ALX1: variants seen among roughly 807,000 people sequenced by gnomAD.
The protein encoded by ALX1 is ALX homeobox protein 1.
A neutral mutation model predicts 31.7 loss-of-function variants in ALX1; 19 were observed. That is an observed-to-expected ratio of 0.60 (90% CI 0.42 to 0.88). ALX1 has a LOEUF of 0.88. Among genes scored for constraint, ALX1 ranks in the 40% least tolerant of loss-of-function variants. The pLI is 0.00. For missense variants in ALX1, 415 were observed against 407.8 expected, an observed-to-expected ratio of 1.02 and a Z score of -0.15; for synonymous variants, 153 against 148.8, an observed-to-expected ratio of 1.03 and a Z score of -0.20.
intron 3 of ALX1, among the ~76,000 whole-genome samples, chr12:85,294,678 C>T (rs757796041): frequency 1.1e-4 from 17 of 151,044 alleles, no homozygotes; most frequent in Middle Eastern, 3.5e-3. Flanking sequence ...TATTAAGCTT[C>T]GTGCTTTTAA....
At chr12:85,285,834 T>C (rs1408408255) in intron 2 of ALX1, among the ~76,000 whole-genome samples, 2 of 151,980 alleles carry the variant, frequency 1.3e-5, no homozygotes, top group Non-Finnish European at 2.9e-5. Flanking sequence ...ATAATGTTCA[T>C]TTAAAAACAT....
In ALX1 at chr12:85,281,518, G is replaced by T. The variant is rs532547957; in HGVS notation, c.226+1031G>T. On this transcript the variant is annotated intron_variant, in intron 1 of 3. Coordinates refer to ENST00000316824, the MANE Select transcript of ALX1 (RefSeq NM_006982.3). ...CAAGCCCCCTGCCCCCTATTTTATA[G>T]AAATTCAAAATCTGACAAAACACTG... Among the ~76,000 whole-genome samples, 6 of 152,200 alleles carry T rather than the reference G, an allele frequency of 3.9e-5. 1 individual carries two copies. In the East Asian group the frequency reaches 1.2e-3, roughly 29 times the overall value.
At chr12:85,298,303 A>G (rs1896916342) in intron 3 of ALX1, among the ~76,000 whole-genome samples, 1 of 151,728 alleles carries the variant, frequency 6.6e-6, no homozygotes, top group South Asian at 2.1e-4. Flanking sequence ...CACGCTGTTT[A>G]GTGTACTGAA....
intron 3 of ALX1, 93 bp downstream of exon 3, chr12:85,287,074 T>A: frequency 1.4e-6 from 2 of 1,422,788 alleles, no homozygotes; most frequent in Non-Finnish European, 1.9e-6. Flanking sequence ...ATATGTAAGA[T>A]AATAGCCAAG....
chr12:85,294,760 T>C (rs1045043746), intron 3 of ALX1, among the ~76,000 whole-genome samples: 1 of 151,126 alleles, frequency 6.6e-6, no homozygotes, highest in Non-Finnish European at 1.5e-5. Context: ...ATCAGTCTCA[T>C]ATGGGTGTGA....
At chr12:85,299,409 C>T (rs1242822775) in intron 3 of ALX1, among the ~76,000 whole-genome samples, 6 of 151,448 alleles carry the variant, frequency 4.0e-5, no homozygotes, top group African/African-American at 9.7e-5. Flanking sequence ...AGAATTAGAA[C>T]ATAGCCTGAG....
chr12:85,280,472 T>A lies in ALX1; in HGVS notation c.211T>A (p.Cys71Ser), dbSNP rs777754230. The change falls in exon 1 of 4, where the codon TGT becomes AGT. Residue 71 changes from cysteine to serine, a missense_variant. Physicochemically the swap from Cys to Ser is moderately radical, Grantham distance 112 (BLOSUM62 -1). This residue lies in a region of ALX1 where 235 missense variants were observed against 208.9 expected (regional missense o/e 1.13). Coordinates refer to ENST00000316824, the MANE Select transcript of ALX1 (RefSeq NM_006982.3). ...HHVRLERTSP[C>S]QDSSVNYGIT... is the part of the protein sequence containing the mutation. ...CGTGCGCTTGGAGAGGACCTCGCCCTGTCAGGACAGCAGCGGTGAGTCGCT... is the reference window on the plus strand; with the variant it reads ...CGTGCGCTTGGAGAGGACCTCGCCCAGTCAGGACAGCAGCGGTGAGTCGCT... 9 of 1,611,072 alleles carry A rather than the reference T, an allele frequency of 5.6e-6. No homozygotes were observed.
chr12:85,290,536 C>A (rs2137384574), intron 3 of ALX1, among the ~76,000 whole-genome samples: 1 of 151,124 alleles, frequency 6.6e-6, no homozygotes, highest in East Asian at 1.9e-4. Context: ...CTTAAACTTA[C>A]TTATCTTTGA....
rs187694974 is a variant in ALX1 at position 85,289,435 on chromosome 12, T to C, written c.660+2454T>C. Among the ~76,000 whole-genome samples, 4 of 151,272 alleles carry C rather than the reference T, an allele frequency of 2.6e-5. No homozygotes were observed. In the East Asian group the frequency reaches 7.7e-4, roughly 29 times the overall value. On this transcript the variant is annotated intron_variant, in intron 3 of 3. Coordinates refer to ENST00000316824, the MANE Select transcript of ALX1 (RefSeq NM_006982.3). ...GACACCGATGGAGGAACGGACATGGTACACCAAATTATATATTTGATCATC... is the reference window on the plus strand; with the variant it reads ...GACACCGATGGAGGAACGGACATGGCACACCAAATTATATATTTGATCATC...
At chr12:85,300,868 T>C (rs1485427277) in intron 3 of ALX1, among the ~76,000 whole-genome samples, 5 of 152,182 alleles carry the variant, frequency 3.3e-5, no homozygotes, top group African/African-American at 9.6e-5. Flanking sequence ...TCCAGATTCA[T>C]TTTTAAAATC....
chr12:85,280,348 G>A lies in ALX1; in HGVS notation c.87G>A (p.Glu29=), dbSNP rs1410786986. 1.2e-6 allele frequency: 2 copies of A among 1,613,838 alleles called. No homozygotes were observed. The highest frequency in any genetic ancestry group is 1.3e-5 in the African/African-American group (1 of 74,926). The change falls in exon 1 of 4, where the codon GAG becomes GAA. Residue 29 remains glutamate (E), a synonymous_variant. Transcript: ENST00000316824. ...DFYMGAGGPL[E]HVMETLDNES... ...ACATGGGCGCAGGAGGTCCTCTGGA[G>A]CACGTTATGGAGACGCTGGACAATG...
chr12:85,298,804 A>C (rs1273004511), intron 3 of ALX1, among the ~76,000 whole-genome samples: 46 of 151,846 alleles, frequency 3.0e-4, no homozygotes. Context: ...AAAGTAATGC[A>C]TATAACGTGC....
At chr12:85,298,436 G>A (rs1279019762) in intron 3 of ALX1, among the ~76,000 whole-genome samples, 1 of 151,684 alleles carries the variant, frequency 6.6e-6, no homozygotes, top group Non-Finnish European at 1.5e-5. Context: ...CACCCAGAGG[G>A]CAGGCTTCAG....
intron 3 of ALX1, among the ~76,000 whole-genome samples, chr12:85,300,350 C>T (rs1461416773): frequency 1.3e-5 from 2 of 151,916 alleles, no homozygotes; most frequent in African/African-American, 4.8e-5. Context: ...GCAGTTTCTA[C>T]TCTATAGGAG....
At position 85,286,918 on chromosome 12, in the gene ALX1, G is replaced by T. The variant is rs79907632; in HGVS notation, c.597G>T (p.Ala199=). The change falls in exon 3 of 4, where the codon GCG becomes GCT. Residue 199 remains alanine, a synonymous_variant. Transcript: ENST00000316824. ...KRERYGQIQQ[A]KSHFAATYDI... ...AACGTTATGGCCAAATACAACAAGC[G>T]AAAAGCCATTTTGCTGCCACCTATG... The T allele has an allele frequency of 6.2e-7, 1 of 1,612,180 alleles. No homozygotes were observed. The highest frequency in any genetic ancestry group is 2.2e-5 in the East Asian group (1 of 44,776).
At chr12:85,289,171 CT>C (rs1225382757) in intron 3 of ALX1, among the ~76,000 whole-genome samples, 1 of 151,144 alleles carries the variant, frequency 6.6e-6, no homozygotes, top group African/African-American at 2.4e-5. Context: ...CTTCTTGCTT[CT>C]TTGATAAAGC....
intron 1 of ALX1, among the ~76,000 whole-genome samples, chr12:85,281,165 C>T (rs1442670380): frequency 6.6e-6 from 1 of 152,082 alleles, no homozygotes; most frequent in Non-Finnish European, 1.5e-5. Context: ...CAAACCATCC[C>T]CGGCCTAATC....
intron 1 of ALX1, among the ~76,000 whole-genome samples, chr12:85,281,498 C>T (rs1224002338): frequency 6.6e-6 from 1 of 152,226 alleles, no homozygotes; most frequent in South Asian, 2.1e-4. Flanking sequence ...TACAACAAGC[C>T]CCCTGCCCCC....
rs1374258348 is a variant in ALX1 at position 85,301,547 on chromosome 12, C to T, written c.*72C>T. The stretch of plus-strand genomic sequence containing the variant: ...CTTATTTCTCATATTTAAAGGATAC[C>T]ACAATAAGCTGCTGTGTGTGGAATT... On this transcript the variant is annotated 3_prime_UTR_variant, in exon 4 of 4. Transcript: ENST00000316824. The T allele has an allele frequency of 2.0e-6, 3 of 1,482,956 alleles. No individual in the cohort carries two copies. The highest frequency in any genetic ancestry group is 2.8e-6 in the Non-Finnish European group (3 of 1,075,830). The allele number at this position is 1,482,956 out of a possible 1,614,324, so 91.9% of individuals were successfully genotyped here. A position where few individuals can be genotyped will look rare whatever the true frequency, so the allele number is the denominator to read the frequency against.
Sources: gnomAD v4.1 joint callset for allele counts (sites outside exome capture counted in the v4.1 genomes callset) on GRCh38, gnomAD v4.1.1 for gene constraint, gnomAD v4.1.1 regional missense constraint, MANE v1.5 for transcripts, NCBI Gene and HGNC (gene_info 2026-07-23, HGNC 2026-07-21) for gene names.